The following WNK1 variants were observed in gnomAD, a reference collection of about 807,000 sequenced individuals.
WNK1 encodes serine/threonine-protein kinase WNK1.
Under a neutral mutation model 222.8 loss-of-function variants are expected in WNK1, and 38 were observed. That is an observed-to-expected ratio of 0.17 (90% CI 0.13 to 0.22). WNK1 has a LOEUF of 0.22. Ranked by LOEUF, WNK1 falls within the 10% of genes least tolerant of loss-of-function variation. WNK1 has a pLI of 1.00. For missense variants in WNK1, 2,348 were observed against 2,918.4 expected (o/e 0.80, Z 4.50); for synonymous variants, 1,090 against 1,092.9 (o/e 1.00, Z 0.05).
intron 2 of WNK1, among the ~76,000 whole-genome samples, chr12:824,248 T>G (rs1417146847): frequency 1.4e-5 from 2 of 147,782 alleles, no homozygotes; most frequent in African/African-American, 5.0e-5. Flanking sequence ...CTATCTGCAC[T>G]GATGGTGCCT....
rs993425491 is a variant in WNK1 at position 889,277 on chromosome 12, C to T, written c.5448+54C>T. ...CCTCATAACCCTAATATATTATATG[C>T]CTGGGACACAAACTGTAACCTAAAC... On this transcript the variant is annotated intron_variant, in intron 21 of 27. Coordinates refer to ENST00000315939, the MANE Select transcript of WNK1 (RefSeq NM_018979.4). 3.1e-5 allele frequency: 44 copies of T among 1,438,002 alleles called. 1 individual carries two copies. In the Admixed American group the frequency reaches 6.0e-4, roughly 20 times the overall value. 89.1% of individuals were successfully genotyped at this position (1,438,002 alleles called of 1,614,324 possible). A position where few individuals can be genotyped will look rare whatever the true frequency, so the allele number is the denominator to read the frequency against.
intron 9 of WNK1, among the ~76,000 whole-genome samples, chr12:873,167 AC>A (rs962667411): frequency 6.6e-6 from 1 of 152,234 alleles, no homozygotes; most frequent in Admixed American, 6.5e-5. Context: ...ACACCAATGA[AC>A]TGAGCAAATT....
chr12:836,096 A>G, intron 4 of WNK1, among the ~76,000 whole-genome samples: 1 of 152,232 alleles, frequency 6.6e-6, no homozygotes, highest in East Asian at 1.9e-4. Context: ...ATGTATGACT[A>G]GGTACTAATA....
At chr12:864,352 C>G (rs539254942) in intron 8 of WNK1, among the ~76,000 whole-genome samples, 1 of 152,242 alleles carries the variant, frequency 6.6e-6, no homozygotes, top group Admixed American at 6.5e-5. Context: ...CTCAAGTGAT[C>G]CACCTGCCTC....
intron 8 of WNK1, among the ~76,000 whole-genome samples, chr12:869,861 C>G (rs549637126): frequency 1.3e-5 from 2 of 151,462 alleles, no homozygotes; most frequent in South Asian, 2.1e-4. Flanking sequence ...AGCTAAGGAA[C>G]AGTAGACATC....
chr12:758,140 CAT>C (rs979132889), intron 1 of WNK1, among the ~76,000 whole-genome samples: 2 of 145,874 alleles, frequency 1.4e-5, no homozygotes, highest in African/African-American at 2.4e-5. Flanking sequence ...GAAGAGTTCA[CAT>C]GATGCGTTAT....
intron 1 of WNK1, among the ~76,000 whole-genome samples, chr12:789,152 T>C (rs1944604410): frequency 6.6e-6 from 1 of 152,040 alleles, no homozygotes; most frequent in Non-Finnish European, 1.5e-5. Context: ...AGAGGTAAGA[T>C]TCTTAGCCCA....
intron 1 of WNK1, among the ~76,000 whole-genome samples, chr12:806,591 G>A (rs923023438): frequency 1.3e-5 from 2 of 152,320 alleles, no homozygotes; most frequent in Admixed American, 6.5e-5. Context: ...GGTAAAGAGA[G>A]TCATCAGGCA....
chr12:852,590 A>T (rs1950497862), intron 4 of WNK1, among the ~76,000 whole-genome samples: 1 of 152,174 alleles, frequency 6.6e-6, no homozygotes, highest in Admixed American at 6.5e-5. Context: ...TGTTCTGTGT[A>T]AGATAGTAAC....
chr12:811,308 C>G (rs1022806986), intron 1 of WNK1, among the ~76,000 whole-genome samples: 9 of 152,030 alleles, frequency 5.9e-5, no homozygotes, highest in African/African-American at 2.2e-4. Context: ...GTTCCTATTT[C>G]TTTTCAATAA....
intron 14 of WNK1, 140 bp from the exon 15 acceptor site, chr12:882,803 A>G (rs905260554): frequency 1.5e-6 from 1 of 666,348 alleles, no homozygotes; most frequent in African/African-American, 1.8e-5. Context: ...TAAGAGACAA[A>G]GTACTAGTGC....
At chr12:853,090 A>T (rs1950524545) in intron 4 of WNK1, among the ~76,000 whole-genome samples, 1 of 152,154 alleles carries the variant, frequency 6.6e-6, no homozygotes. Context: ...TGGACTGGTA[A>T]GGTGTGTCTC....
At chr12:854,355 C>CTTTT (rs765372764) in intron 4 of WNK1, among the ~76,000 whole-genome samples, 29,521 of 97,290 alleles carry the variant, frequency 0.3, 6,764 homozygotes, top group East Asian at 0.7. Flanking sequence ...TTATCATTAT[C>CTTTT]TTTTTTTTTT....
intron 1 of WNK1, among the ~76,000 whole-genome samples, chr12:800,057 T>C (rs1480368427): frequency 6.6e-6 from 1 of 152,112 alleles, no homozygotes; most frequent in Non-Finnish European, 1.5e-5. Context: ...GACGGTAGGA[T>C]TGCTTGAGCC....
chr12:905,726 C>G (rs1273786374), intron 26 of WNK1, among the ~76,000 whole-genome samples: 1 of 152,222 alleles, frequency 6.6e-6, no homozygotes, highest in Non-Finnish European at 1.5e-5. Context: ...CTTCACCACT[C>G]TCTCACATTG....
rs1216817908 is a variant in WNK1 at position 911,042 on chromosome 12, TTAA to T, written c.*2258_*2260del. ...GCACATTATCATTTGTTATTTGGGT[TTAA>T]TAATAATTTTGACATCTTTTCACTC... On this transcript the variant is annotated 3_prime_UTR_variant, in exon 28 of 28. Coordinates refer to ENST00000315939, the MANE Select transcript of WNK1 (RefSeq NM_018979.4). 5 of 350,354 alleles carry T rather than the reference TTAA, an allele frequency of 1.4e-5. No individual in the cohort carries two copies. Among genetic ancestry groups the T allele is most frequent in the African/African-American group, 8.4e-5 (4 of 47,720 alleles). The allele number at this position is 350,354 out of a possible 1,614,324, so 21.7% of individuals were successfully genotyped here. A position where few individuals can be genotyped will look rare whatever the true frequency, so the allele number is the denominator to read the frequency against.
At chr12:805,270 T>A (rs1565455381) in intron 1 of WNK1, among the ~76,000 whole-genome samples, 1 of 152,168 alleles carries the variant, frequency 6.6e-6, no homozygotes. Context: ...TTTGTCCACA[T>A]CCTTGCCAAC....
chr12:871,182 T>A, intron 8 of WNK1, 83 bp from the exon 9 acceptor site: 3 of 1,290,810 alleles, frequency 2.3e-6, no homozygotes, highest in Non-Finnish European at 3.4e-6. Flanking sequence ...TCTGAGGAGA[T>A]TAAATATTCA....
At chr12:879,544 GTC>G in intron 10 of WNK1, 27 bp from the exon 11 acceptor site, 27 of 816,686 alleles carry the variant, frequency 3.3e-5, no homozygotes, top group African/African-American at 1.3e-4. Flanking sequence ...TTTTAAGCCT[GTC>G]TGTTTTGTTT....
Sources: gnomAD v4.1 joint callset for allele counts (sites outside exome capture counted in the v4.1 genomes callset) on GRCh38, gnomAD v4.1.1 for gene constraint, MANE v1.5 for transcripts, NCBI Gene and HGNC (gene_info 2026-07-23, HGNC 2026-07-21) for gene names.